Variants in TENM1 observed in about 807,000 individuals in gnomAD.
TENM1 encodes teneurin transmembrane protein 1, also known as teneurin-1.
Under a neutral mutation model 174.8 loss-of-function variants are expected in TENM1, and 35 were observed. That is an observed-to-expected ratio of 0.20 (90% CI 0.15 to 0.27). The LOEUF (loss-of-function observed/expected upper bound fraction) is 0.27, where lower values mean the gene tolerates loss of function less well. Ranked by LOEUF, TENM1 falls within the 10% of genes least tolerant of loss-of-function variation. The pLI is 1.00. For synonymous variants in TENM1, 781 were observed against 798.7 expected (o/e 0.98, Z 0.37); for missense variants, 1,633 against 2,130.1 (o/e 0.77, Z 4.59).
intron 22 of TENM1, among the ~76,000 whole-genome samples, chrX:124,454,536 T>G (rs1008922884): frequency 4.5e-5 from 5 of 110,815 alleles, no homozygotes; most frequent in Non-Finnish European, 7.6e-5. Context: ...CCCAAATAGC[T>G]AGGATTATAG....
chrX:125,132,931 T>G, the TENM1 span, among the ~76,000 whole-genome samples: 1 of 111,983 alleles, frequency 8.9e-6, no homozygotes, highest in South Asian at 3.8e-4. Context: ...AAAATATACC[T>G]AACTGATGAG....
At chrX:125,186,418 G>A in the TENM1 span, among the ~76,000 whole-genome samples, 11 of 110,689 alleles carry the variant, frequency 9.9e-5, no homozygotes, top group South Asian at 3.9e-4. Flanking sequence ...GGTTGGTTTC[G>A]CCCTGCCACA....
the TENM1 span, among the ~76,000 whole-genome samples, chrX:125,181,489 C>G: frequency 8.9e-6 from 1 of 112,070 alleles, no homozygotes; most frequent in African/African-American, 3.2e-5. Flanking sequence ...ATTTCACACT[C>G]TACTTAATAC....
chrX:125,050,672 T>C, the TENM1 span, among the ~76,000 whole-genome samples: 2 of 111,557 alleles, frequency 1.8e-5, no homozygotes, highest in Non-Finnish European at 3.8e-5. Flanking sequence ...TTTGGGTATA[T>C]ACCCAGTAAT....
At chrX:124,443,072 G>A (rs111994487) in intron 23 of TENM1, among the ~76,000 whole-genome samples, 31 of 97,517 alleles carry the variant, frequency 3.2e-4, no homozygotes, top group African/African-American at 1.1e-3. Flanking sequence ...GTGTGTGTGT[G>A]TGTGTGTGTG....
chrX:124,509,778 T>C (rs1354345972), intron 18 of TENM1, among the ~76,000 whole-genome samples: 4 of 101,663 alleles, frequency 3.9e-5, no homozygotes, highest in Non-Finnish European at 7.9e-5. Flanking sequence ...TGGAGTGCAG[T>C]GGTGTGATCA....
intron 3 of TENM1, among the ~76,000 whole-genome samples, chrX:124,776,723 A>G (rs2054793640): frequency 9.0e-6 from 1 of 111,321 alleles, no homozygotes; most frequent in Non-Finnish European, 1.9e-5. Flanking sequence ...GAGATAGCAA[A>G]AAAGCATAAT....
intron 3 of TENM1, among the ~76,000 whole-genome samples, chrX:124,813,822 A>G (rs891141839): frequency 1.8e-5 from 2 of 111,288 alleles, no homozygotes; most frequent in African/African-American, 3.3e-5. Flanking sequence ...AGGTTGAACT[A>G]TAAAAAAATG....
At chrX:124,991,460 G>A in the TENM1 span, among the ~76,000 whole-genome samples, 1 of 109,922 alleles carries the variant, frequency 9.1e-6, no homozygotes, top group Admixed American at 9.8e-5. Context: ...TGAGTGGGAT[G>A]TGTGTGTGTC....
intron 3 of TENM1, among the ~76,000 whole-genome samples, chrX:124,744,835 T>C (rs996793556): frequency 5.4e-5 from 6 of 111,802 alleles, no homozygotes; most frequent in Non-Finnish European, 1.1e-4. Flanking sequence ...TTATTTTTAT[T>C]ACACTGTTAT....
chrX:124,555,184 G>A (rs966129485), intron 14 of TENM1, among the ~76,000 whole-genome samples: 25 of 110,787 alleles, frequency 2.3e-4, no homozygotes, highest in African/African-American at 7.2e-4. Flanking sequence ...ATCTCTTCCT[G>A]ACTCATGTTC....
At chrX:124,476,229 A>G (rs2046721231) in intron 22 of TENM1, among the ~76,000 whole-genome samples, 1 of 111,630 alleles carries the variant, frequency 9.0e-6, no homozygotes, top group Non-Finnish European at 1.9e-5. Flanking sequence ...CTTTCCATTA[A>G]CCCCAAATAT....
the TENM1 span, among the ~76,000 whole-genome samples, chrX:125,045,542 T>C: frequency 9.0e-6 from 1 of 111,655 alleles, no homozygotes; most frequent in African/African-American, 3.2e-5. Flanking sequence ...TTGTTTTTCC[T>C]TTACTGTTTA....
intron 22 of TENM1, among the ~76,000 whole-genome samples, chrX:124,477,413 C>T (rs895861593): frequency 3.6e-5 from 4 of 111,757 alleles, no homozygotes; most frequent in African/African-American, 1.3e-4. Flanking sequence ...GAATACATGT[C>T]CTCAGATTGA....
At chrX:124,658,093 C>T (rs1381198431) in intron 6 of TENM1, among the ~76,000 whole-genome samples, 1 of 111,612 alleles carries the variant, frequency 9.0e-6, no homozygotes, top group Non-Finnish European at 1.9e-5. Flanking sequence ...TGGAACTAAC[C>T]TCTTCCCTGT....
the TENM1 span, among the ~76,000 whole-genome samples, chrX:125,077,216 C>T: frequency 1.8e-5 from 2 of 111,173 alleles, no homozygotes; most frequent in Non-Finnish European, 3.8e-5. Context: ...TATTTTTAAA[C>T]AGCATCTTAC....
Position 124,755,429 on chromosome X carries a change from T to G in TENM1, c.536-18232A>C, listed in dbSNP as rs751962593. 8.7e-3 allele frequency among the ~76,000 whole-genome samples: 965 copies of G among 111,308 alleles called. 9 individuals carry two copies. The highest frequency in any genetic ancestry group is 0.03 in the African/African-American group (905 of 30,469). On this transcript the variant is annotated intron_variant, in intron 3 of 31. Coordinates refer to ENST00000422452, the Ensembl canonical transcript of TENM1. ...CTGAATACAGCACACTGATGGGTCT[T>G]GACTCTTTATCCAATTTGCCAGTCT...
At chrX:124,855,124 G>A (rs969448775) in intron 3 of TENM1, among the ~76,000 whole-genome samples, 7 of 110,996 alleles carry the variant, frequency 6.3e-5, no homozygotes, top group Admixed American at 9.6e-5. Flanking sequence ...ATTAGTGCCC[G>A]TGAATAAGTG....
chrX:124,902,095 G>C (rs1409506761), intron 1 of TENM1, among the ~76,000 whole-genome samples: 1 of 111,987 alleles, frequency 8.9e-6, no homozygotes. Context: ...TTTGTAAGAT[G>C]TATGGATCCA....
Sources: gnomAD v4.1 joint callset for allele counts (sites outside exome capture counted in the v4.1 genomes callset) on GRCh38, gnomAD v4.1.1 for gene constraint, MANE v1.5 for transcripts, NCBI Gene and HGNC (gene_info 2026-07-23, HGNC 2026-07-21) for gene names.